The following SCFD2 variants were observed in gnomAD, a reference collection of about 807,000 sequenced individuals.
SCFD2 encodes sec1 family domain containing 2, also known as sec1 family domain-containing protein 2.
Under a neutral mutation model 58.9 loss-of-function variants are expected in SCFD2, and 54 were observed. The observed-to-expected ratio is 0.92, with a 90% CI of 0.74 to 1.15. The LOEUF (loss-of-function observed/expected upper bound fraction) is 1.15, where lower values mean the gene tolerates loss of function less well. SCFD2 is among the 50% of genes most tolerant of loss of function. The probability of loss-of-function intolerance (pLI) is 0.00; values close to 1 mark genes in which losing one functional copy is unlikely to be tolerated. For missense variants in SCFD2, 805 were observed against 836.6 expected (o/e 0.96, Z 0.47); for synonymous variants, 321 against 335.9 (o/e 0.96, Z 0.49).
At chr4:53,046,452 C>T (rs1401483916) in intron 5 of SCFD2, among the ~76,000 whole-genome samples, 4 of 152,124 alleles carry the variant, frequency 2.6e-5, no homozygotes, top group African/African-American at 9.6e-5. Flanking sequence ...TGAGCACAAG[C>T]AATCTATCTG....
At chr4:53,345,819 C>T (rs1488058795) in intron 2 of SCFD2, among the ~76,000 whole-genome samples, 2 of 152,096 alleles carry the variant, frequency 1.3e-5, no homozygotes, top group Non-Finnish European at 2.9e-5. Flanking sequence ...AAGCTGGAAA[C>T]CATCATTCTC....
In SCFD2 at chr4:53,194,958, T is replaced by C. The variant is rs139248017; in HGVS notation, c.1312-49376A>G. 4.1e-4 allele frequency among the ~76,000 whole-genome samples: 62 copies of C among 152,308 alleles called. No individual in the cohort carries two copies. The East Asian group carries it at 0.011, about 27-fold the overall frequency. On this transcript the variant is annotated intron_variant, in intron 4 of 8. Coordinates refer to ENST00000401642, the MANE Select transcript of SCFD2 (RefSeq NM_152540.4). The stretch of plus-strand genomic sequence containing the variant: ...AGTCAATGGATTTGAACTGGACAGA[T>C]TGGACATTAACAGGATTATAGGTTA...
Position 53,022,559 on chromosome 4 carries a change from T to C in SCFD2, c.1562-101689A>G, listed in dbSNP as rs148006266. 4.1e-3 allele frequency among the ~76,000 whole-genome samples: 630 copies of C among 152,288 alleles called. 2 individuals carry two copies. The highest frequency in any genetic ancestry group is 0.014 in the African/African-American group (594 of 41,578). ...AAGGGAAAATGCCTAATTGGGAGAA[T>C]AGTCTAAGAGAGAAAGTTTAGGCCT... On this transcript the variant is annotated intron_variant, in intron 5 of 8. Transcript: ENST00000401642.
At chr4:53,213,583 A>G (rs1483064506) in intron 4 of SCFD2, among the ~76,000 whole-genome samples, 1 of 152,142 alleles carries the variant, frequency 6.6e-6, no homozygotes, top group Admixed American at 6.5e-5. Context: ...TACAGGATAT[A>G]AAAGTATTAG....
At chr4:53,241,840 T>C (rs1388528846) in intron 4 of SCFD2, among the ~76,000 whole-genome samples, 1 of 152,210 alleles carries the variant, frequency 6.6e-6, no homozygotes, top group Non-Finnish European at 1.5e-5. Context: ...ACCCCACCCC[T>C]GTGCCAACAT....
intron 5 of SCFD2, among the ~76,000 whole-genome samples, chr4:52,946,765 G>C (rs748542032): frequency 6.6e-6 from 1 of 152,090 alleles, no homozygotes; most frequent in African/African-American, 2.4e-5. Flanking sequence ...TAGAACAAAG[G>C]ATTAGCATTA....
intron 5 of SCFD2, among the ~76,000 whole-genome samples, chr4:52,975,064 A>G (rs958726018): frequency 2.0e-5 from 3 of 152,198 alleles, no homozygotes; most frequent in Non-Finnish European, 4.4e-5. Context: ...AACCATAAAA[A>G]CCCTAGAAGA....
chr4:53,046,065 C>T (rs1461015500), intron 5 of SCFD2, among the ~76,000 whole-genome samples: 1 of 152,032 alleles, frequency 6.6e-6, no homozygotes, highest in Admixed American at 6.6e-5. Flanking sequence ...CAGAAGTGGG[C>T]CCAGAATGCA....
At chr4:52,979,843 C>T (rs1721336591) in intron 5 of SCFD2, among the ~76,000 whole-genome samples, 1 of 152,104 alleles carries the variant, frequency 6.6e-6, no homozygotes. Context: ...AGGCCAGAAA[C>T]CTAGCAGTTA....
Position 53,241,203 on chromosome 4 carries a change from G to A in SCFD2, c.1311+32623C>T, listed in dbSNP as rs146104537. ...CACCAAAGACAAATGAGTTGGCAGA[G>A]AGATGCTCAGAAAAGTACGAGGGGC... On this transcript the variant is annotated intron_variant, in intron 4 of 8. Transcript: ENST00000401642. 8.2e-3 allele frequency among the ~76,000 whole-genome samples: 1,242 copies of A among 152,356 alleles called. 9 individuals carry two copies. Among genetic ancestry groups the A allele is most frequent in the Middle Eastern group, 0.078 (23 of 294 alleles).
intron 5 of SCFD2, among the ~76,000 whole-genome samples, chr4:53,010,775 C>A (rs1463488624): frequency 6.6e-6 from 1 of 152,112 alleles, no homozygotes; most frequent in Non-Finnish European, 1.5e-5. Flanking sequence ...ATTTTGGGGC[C>A]GGGCTGGGGG....
At chr4:53,327,479 C>G (rs543550103) in intron 2 of SCFD2, among the ~76,000 whole-genome samples, 1 of 152,096 alleles carries the variant, frequency 6.6e-6, no homozygotes, top group South Asian at 2.1e-4. Context: ...AGCAGGTGAG[C>G]AGACTGAGAA....
At chr4:53,180,358 C>T (rs183340311) in intron 4 of SCFD2, among the ~76,000 whole-genome samples, 40 of 152,230 alleles carry the variant, frequency 2.6e-4, no homozygotes, top group East Asian at 2.5e-3. Context: ...CACTCAAAAC[C>T]GCTCAGCTAC....
At chr4:53,353,267 C>T (rs1734289349) in intron 1 of SCFD2, among the ~76,000 whole-genome samples, 1 of 151,838 alleles carries the variant, frequency 6.6e-6, no homozygotes, top group Admixed American at 6.6e-5. Flanking sequence ...GTTGTTCGTT[C>T]CTCTCCTCTG....
At chr4:53,073,233 G>A (rs530836315) in intron 5 of SCFD2, among the ~76,000 whole-genome samples, 3 of 152,124 alleles carry the variant, frequency 2.0e-5, no homozygotes, top group African/African-American at 7.2e-5. Context: ...ACAGGAGGAT[G>A]TGCATGGGTT....
intron 4 of SCFD2, among the ~76,000 whole-genome samples, chr4:53,272,354 T>C (rs567767526): frequency 6.6e-6 from 1 of 152,288 alleles, no homozygotes; most frequent in South Asian, 2.1e-4. Context: ...TTACTGGGTA[T>C]ATACCCAAAG....
At chr4:53,305,356 T>C (rs1361902489) in intron 3 of SCFD2, among the ~76,000 whole-genome samples, 1 of 152,188 alleles carries the variant, frequency 6.6e-6, no homozygotes, top group African/African-American at 2.4e-5. Context: ...TTTCATTCTT[T>C]GTATGTGGAC....
At chr4:53,071,233 C>T (rs774384886) in intron 5 of SCFD2, among the ~76,000 whole-genome samples, 6 of 152,092 alleles carry the variant, frequency 3.9e-5, no homozygotes, top group Non-Finnish European at 7.4e-5. Context: ...ATGGAATTAT[C>T]GTACGCATCC....
At chr4:53,249,207 T>G (rs1388562863) in intron 4 of SCFD2, among the ~76,000 whole-genome samples, 1 of 151,780 alleles carries the variant, frequency 6.6e-6, no homozygotes, top group African/African-American at 2.4e-5. Context: ...AGGGTATCAG[T>G]GATGGAAGAT....
Sources: allele counts gnomAD v4.1 joint callset (sites outside exome capture counted in the v4.1 genomes callset), GRCh38; gene constraint gnomAD v4.1.1; transcripts MANE v1.5; gene names NCBI Gene and HGNC (gene_info 2026-07-23, HGNC 2026-07-21).